The following ABHD3 variants were observed in gnomAD, a reference collection of about 807,000 sequenced individuals.
ABHD3 encodes abhydrolase domain containing 3, phospholipase.
In ABHD3, 46 loss-of-function variants were observed where a neutral mutation model predicts 48.8. The observed-to-expected ratio is 0.94, with a 90% confidence interval of 0.74 to 1.20. The LOEUF (loss-of-function observed/expected upper bound fraction) is 1.20, where lower values mean the gene tolerates loss of function less well. Among genes scored for constraint, ABHD3 ranks in the 50% most tolerant of loss-of-function variants. The pLI is 0.00. For synonymous variants in ABHD3, 192 were observed against 183.7 expected, an observed-to-expected ratio of 1.04 and a Z score of -0.36; for missense variants, 490 against 497.8, an observed-to-expected ratio of 0.98 and a Z score of 0.15.
chr18:21,665,151 A>G (rs2039592732), intron 4 of ABHD3, among the ~76,000 whole-genome samples: 1 of 151,632 alleles, frequency 6.6e-6, no homozygotes. Context: ...CACCATGTGG[A>G]CCAGGCTGAT....
chr18:21,659,422 A>T, intron 5 of ABHD3, 79 bp from the exon 6 acceptor site: 2 of 1,407,610 alleles, frequency 1.4e-6, no homozygotes, highest in Non-Finnish European at 1.9e-6. Context: ...TACAGACTTT[A>T]TGTTAACTAT....
At chr18:21,678,576 T>A (rs949348321) in intron 4 of ABHD3, among the ~76,000 whole-genome samples, 1 of 152,108 alleles carries the variant, frequency 6.6e-6, no homozygotes, top group African/African-American at 2.4e-5. Flanking sequence ...TAGTTATAGA[T>A]CCTATAACTA....
At chr18:21,700,391 A>C (rs903238545) in intron 3 of ABHD3, among the ~76,000 whole-genome samples, 1 of 150,114 alleles carries the variant, frequency 6.7e-6, no homozygotes, top group African/African-American at 2.5e-5. Flanking sequence ...TACCTGGCCC[A>C]AATTTTTTTG....
intron 4 of ABHD3, among the ~76,000 whole-genome samples, chr18:21,668,912 A>G (rs1483693611): frequency 6.6e-6 from 1 of 152,162 alleles, no homozygotes; most frequent in Non-Finnish European, 1.5e-5. Flanking sequence ...ACTGCAATAG[A>G]CACTTAAAAT....
At chr18:21,652,747 C>G (rs945949371) in intron 8 of ABHD3, among the ~76,000 whole-genome samples, 2 of 148,546 alleles carry the variant, frequency 1.3e-5, no homozygotes, top group African/African-American at 2.5e-5. Flanking sequence ...TGTACTCTAG[C>G]CTGGCAACAG....
intron 4 of ABHD3, among the ~76,000 whole-genome samples, chr18:21,672,139 G>T (rs1200726591): frequency 6.6e-6 from 1 of 152,036 alleles, no homozygotes; most frequent in Non-Finnish European, 1.5e-5. Flanking sequence ...TCTCCTGACA[G>T]TTTTCTTGTA....
At chr18:21,659,962 C>CTTT (rs60634505) in intron 5 of ABHD3, among the ~76,000 whole-genome samples, 41 of 73,852 alleles carry the variant, frequency 5.6e-4, no homozygotes, top group Non-Finnish European at 8.3e-4. Flanking sequence ...TGCACCCGGC[C>CTTT]TTTTTTTTTT....
rs1227396612 is a variant in ABHD3, at chr18:21,704,595, C to T, written c.71G>A (p.Arg24Gln). Residue 24 changes from arginine to glutamine, a missense_variant, in exon 1 of 9, where the codon CGG becomes CAG. Transcript: ENST00000289119. ...ELSLYLEHQV[R>Q]VGFFGSGVGL... ...CACCCCCGAGCCGAAGAACCCCACC[C>T]GGACTTGGTGTTCCAGGTAGAGGGA... The T allele has an allele frequency of 1.9e-6, 3 of 1,553,968 alleles. No homozygotes were observed. Among genetic ancestry groups the T allele is most frequent in the Admixed American group, 3.8e-5 (2 of 52,026 alleles).
At chr18:21,663,752 G>GA in intron 5 of ABHD3, 1 of 1,535,566 alleles carries the variant, frequency 6.5e-7, no homozygotes, top group East Asian at 2.4e-5. Flanking sequence ...CTGGAGTGAT[G>GA]AAAGTCATGC....
Position 21,664,184 on chromosome 18 carries a change from A to G in ABHD3, c.602T>C (p.Val201Ala), listed in dbSNP as rs776445992. The change falls in exon 5 of 9, where the codon GTT (valine) becomes GCT (alanine). Residue 201 changes from valine (V) to alanine (A), a missense_variant. Coordinates refer to ENST00000289119, the MANE Select transcript of ABHD3 (RefSeq NM_138340.5). ...CCANTEDLET[V>A]IHHVHSLYPS... ...GTACAGGCTGTGTACATGGTGAATA[A>G]CTGTCTCCAAGTCTTCAGTGTTAGC... 2.5e-6 allele frequency: 4 copies of G among 1,614,140 alleles called. 1 individual carries two copies. The highest frequency in any genetic ancestry group is 8.5e-7 in the Non-Finnish European group (1 of 1,180,024).
intron 1 of ABHD3, 101 bp downstream of exon 1, chr18:21,704,403 C>G: frequency 8.4e-7 from 1 of 1,186,294 alleles, no homozygotes; most frequent in Non-Finnish European, 1.1e-6. Flanking sequence ...GCCGCCTATC[C>G]CCGGGGCTGC....
intron 3 of ABHD3, 67 bp from the exon 4 acceptor site, chr18:21,684,032 G>C (rs2040070674): frequency 1.4e-6 from 2 of 1,401,158 alleles, no homozygotes; most frequent in Non-Finnish European, 2.0e-6. Flanking sequence ...TAATATTAAA[G>C]TCATCTTACT....
At chr18:21,698,598 G>A (rs1182078152) in intron 3 of ABHD3, among the ~76,000 whole-genome samples, 2 of 151,884 alleles carry the variant, frequency 1.3e-5, no homozygotes, top group African/African-American at 4.8e-5. Flanking sequence ...ACCCAAGCTG[G>A]AGTGCAGTAC....
At chr18:21,676,681 G>A (rs932346548) in intron 4 of ABHD3, among the ~76,000 whole-genome samples, 1 of 152,196 alleles carries the variant, frequency 6.6e-6, no homozygotes, top group African/African-American at 2.4e-5. Flanking sequence ...ATAAGCCACC[G>A]CATCCGGCCT....
At chr18:21,661,428 G>A (rs2039492559) in intron 5 of ABHD3, among the ~76,000 whole-genome samples, 1 of 151,974 alleles carries the variant, frequency 6.6e-6, no homozygotes, top group Admixed American at 6.6e-5. Context: ...ATGAGGTCAG[G>A]AGTTTGAGCC....
intron 5 of ABHD3, among the ~76,000 whole-genome samples, chr18:21,660,990 C>A (rs568882834): frequency 6.7e-6 from 1 of 149,024 alleles, no homozygotes; most frequent in Non-Finnish European, 1.5e-5. Context: ...TGGAATACGT[C>A]TTGGTTATTA....
At chr18:21,669,326 G>T (rs1194814166) in intron 4 of ABHD3, among the ~76,000 whole-genome samples, 2 of 152,132 alleles carry the variant, frequency 1.3e-5, no homozygotes, top group Non-Finnish European at 2.9e-5. Flanking sequence ...TTCCATCATA[G>T]TCGGCCTCCT....
intron 3 of ABHD3, among the ~76,000 whole-genome samples, chr18:21,698,448 G>C (rs2040436463): frequency 6.6e-6 from 1 of 151,964 alleles, no homozygotes; most frequent in Non-Finnish European, 1.5e-5. Flanking sequence ...CGGCCTCCCA[G>C]AATGCTGGGA....
chr18:21,698,954 GA>G (rs2040447146), intron 3 of ABHD3, among the ~76,000 whole-genome samples: 1 of 149,000 alleles, frequency 6.7e-6, no homozygotes. Flanking sequence ...TTTTTTTTGA[GA>G]TGGAGCCTTG....
Sources: gnomAD v4.1 joint callset for allele counts (sites outside exome capture counted in the v4.1 genomes callset) on GRCh38, gnomAD v4.1.1 for gene constraint, MANE v1.5 for transcripts, NCBI Gene and HGNC (gene_info 2026-07-23, HGNC 2026-07-21) for gene names.